RHOBTB2: variants seen among roughly 807,000 people sequenced by gnomAD.
RHOBTB2 encodes the protein Rho related BTB domain containing 2.
In RHOBTB2, 39 loss-of-function variants were observed where a neutral mutation model predicts 66.5. The observed-to-expected ratio is 0.59, with a 90% CI of 0.45 to 0.77. RHOBTB2 has a LOEUF of 0.77. RHOBTB2 is among the 30% of genes least tolerant of loss of function. The probability of loss-of-function intolerance (pLI) is 0.00; values close to 1 mark genes in which losing one functional copy is unlikely to be tolerated. For missense variants in RHOBTB2, 755 were observed against 999.1 expected (o/e 0.76, Z 3.29); for synonymous variants, 390 against 395.0 (o/e 0.99, Z 0.15).
chr8:22,998,548 A>T (rs1810644944), upstream of RHOBTB2, among the ~76,000 whole-genome samples: 1 of 152,108 alleles, frequency 6.6e-6, no homozygotes, highest in Admixed American at 6.5e-5. Context: ...AGCCTGGCCA[A>T]GGTGGTGAAA....
the RHOBTB2 span, among the ~76,000 whole-genome samples, chr8:22,972,443 A>G: frequency 6.6e-6 from 1 of 152,180 alleles, no homozygotes; most frequent in Non-Finnish European, 1.5e-5. Context: ...TGAATCTGGT[A>G]TACTGCTTCA....
At chr8:23,001,050 C>A (rs558045866) in intron 1 of RHOBTB2, among the ~76,000 whole-genome samples, 1 of 152,240 alleles carries the variant, frequency 6.6e-6, no homozygotes, top group East Asian at 1.9e-4. Flanking sequence ...AATTTCAGCA[C>A]ACCTTGGGTT....
At chr8:22,997,259 T>C (rs1258298236), upstream of RHOBTB2, among the ~76,000 whole-genome samples, 1 of 60,306 alleles carries the variant, frequency 1.7e-5, no homozygotes, top group Non-Finnish European at 5.0e-5. Context: ...TTGGAGGAAC[T>C]CTGATGATAA....
At chr8:22,982,122 T>C in the RHOBTB2 span, among the ~76,000 whole-genome samples, 6 of 152,206 alleles carry the variant, frequency 3.9e-5, no homozygotes, top group African/African-American at 7.2e-5. Flanking sequence ...CCTGCCACCA[T>C]TGCAACTAAC....
chr8:22,963,421 A>G, the RHOBTB2 span, among the ~76,000 whole-genome samples: 17 of 152,364 alleles, frequency 1.1e-4, no homozygotes, highest in African/African-American at 3.8e-4. Flanking sequence ...TGAAATAGGT[A>G]AAGATATTTC....
At chr8:22,953,944 G>T in the RHOBTB2 span, among the ~76,000 whole-genome samples, 1 of 152,204 alleles carries the variant, frequency 6.6e-6, no homozygotes, top group African/African-American at 2.4e-5. Context: ...TGATAAAATG[G>T]TCTAAACACT....
rs528429916 is a variant in RHOBTB2, at chr8:22,993,209, C to T, written c.-24+1029C>T. ...TGTTCTTGCTCTGTCACCCAAGCTG[C>T]AGTACGGTGGTACGATCATAGTGCA... On this transcript the variant is annotated intron_variant, in intron 2 of 11. Transcript: ENST00000519685. 4.4e-4 allele frequency among the ~76,000 whole-genome samples: 67 copies of T among 152,192 alleles called. 1 individual carries two copies. Among genetic ancestry groups the T allele is most frequent in the African/African-American group, 1.5e-3 (64 of 41,528 alleles).
chr8:22,971,141 C>T, the RHOBTB2 span, among the ~76,000 whole-genome samples: 12 of 151,982 alleles, frequency 7.9e-5, no homozygotes, highest in Non-Finnish European at 1.2e-4. Flanking sequence ...CTCCTTCCCA[C>T]CCTCACTCAG....
the RHOBTB2 span, among the ~76,000 whole-genome samples, chr8:22,956,564 G>T: frequency 6.6e-6 from 1 of 152,162 alleles, no homozygotes; most frequent in East Asian, 1.9e-4. Flanking sequence ...AAGCCAAGCA[G>T]ATGCCAGCAT....
chr8:22,995,127 CTTA>C (rs1484803295), upstream of RHOBTB2, among the ~76,000 whole-genome samples: 3 of 152,122 alleles, frequency 2.0e-5, no homozygotes, highest in Admixed American at 6.5e-5. Flanking sequence ...GAGACAGGGT[CTTA>C]TTATATTGCC....
upstream of RHOBTB2, among the ~76,000 whole-genome samples, chr8:22,995,669 C>G (rs77779047): frequency 8.8e-3 from 1,348 of 152,320 alleles, 22 homozygotes; most frequent in African/African-American, 0.031. Context: ...TTTCCAGATT[C>G]AGCTCCTTCA....
Position 23,015,642 on chromosome 8 carries a change from A to AG in RHOBTB2, c.1865_1866insG (p.His622GlnfsTer65). On this transcript the variant is annotated frameshift_variant, in exon 9 of 10. Transcript: ENST00000251822. LOFTEE classifies it high-confidence loss of function. ...GTTCTTCCCTTCTGTCCCCAGTTCC[A>AG]CTGTGCGTACCAGCTGGCCGACTGG... 1 of 1,611,378 alleles carries AG rather than the reference A, an allele frequency of 6.2e-7. No individual in the cohort carries two copies. Among genetic ancestry groups the AG allele is most frequent in the Non-Finnish European group, 8.5e-7 (1 of 1,177,794 alleles).
chr8:22,955,139 G>T, the RHOBTB2 span, among the ~76,000 whole-genome samples: 1 of 151,986 alleles, frequency 6.6e-6, no homozygotes, highest in Non-Finnish European at 1.5e-5. Context: ...TCAAAAAAAA[G>T]AAAAGATACC....
At chr8:23,013,600 A>C (rs2128807398) in intron 7 of RHOBTB2, among the ~76,000 whole-genome samples, 1 of 151,710 alleles carries the variant, frequency 6.6e-6, no homozygotes, top group South Asian at 2.1e-4. Flanking sequence ...GGTTCAGGAG[A>C]TTCTCATGCC....
At chr8:22,990,355 C>T (rs1810394598) in intron 1 of RHOBTB2, among the ~76,000 whole-genome samples, 1 of 152,150 alleles carries the variant, frequency 6.6e-6, no homozygotes, top group African/African-American at 2.4e-5. Context: ...CCCTCCACAC[C>T]CCCAGCACCC....
chr8:22,962,779 T>A, the RHOBTB2 span, among the ~76,000 whole-genome samples: 1 of 152,186 alleles, frequency 6.6e-6, no homozygotes, highest in Non-Finnish European at 1.5e-5. Context: ...AAGAGCAGGA[T>A]GAGAGAAACC....
the RHOBTB2 span, among the ~76,000 whole-genome samples, chr8:22,971,720 G>T: frequency 6.6e-6 from 1 of 152,178 alleles, no homozygotes; most frequent in East Asian, 1.9e-4. Context: ...GGCCTTTCTG[G>T]TTTTCCTTCC....
Position 23,010,544 on chromosome 8 carries a change from T to G in RHOBTB2, c.1627T>G (p.Phe543Val), listed in dbSNP as rs755258842. 4.3e-6 allele frequency: 7 copies of G among 1,612,934 alleles called. No homozygotes were observed. The highest frequency in any genetic ancestry group is 5.1e-6 in the Non-Finnish European group (6 of 1,179,286). Residue 543 changes from phenylalanine to valine, a missense_variant, in exon 7 of 10, where the codon TTT becomes GTT. Transcript: ENST00000251822. ...TCACTCCTTCCCTCCCCAGGTGGTG[T>G]TTCCCTACACAAGCAAGAGCTGCAT... ...FVESSTREVV[F>V]PYTSKSCMRA...
intron 7 of RHOBTB2, among the ~76,000 whole-genome samples, chr8:23,011,817 A>T (rs1272987152): frequency 3.3e-5 from 5 of 152,162 alleles, no homozygotes; most frequent in Non-Finnish European, 7.3e-5. Context: ...ATCCTCACAT[A>T]CTGAGTTGAG....
Sources: gnomAD v4.1 joint callset for allele counts (sites outside exome capture counted in the v4.1 genomes callset) on GRCh38, gnomAD v4.1.1 for gene constraint, MANE v1.5 for transcripts, NCBI Gene and HGNC (gene_info 2026-07-23, HGNC 2026-07-21) for gene names.